NRG3: variants seen among roughly 807,000 people sequenced by gnomAD.
The protein encoded by NRG3 is neuregulin 3.
Under a neutral mutation model 66.9 loss-of-function variants are expected in NRG3, and 31 were observed. That is an observed-to-expected ratio of 0.46 (90% CI 0.35 to 0.63). The LOEUF is 0.63. NRG3 is among the 20% of genes least tolerant of loss of function. The pLI is 0.00. For missense variants in NRG3, 910 were observed against 878.9 expected, an observed-to-expected ratio of 1.04 and a Z score of -0.45; for synonymous variants, 393 against 359.4, an observed-to-expected ratio of 1.09 and a Z score of -1.06.
chr10:82,964,424 T>TG (rs1177693240), intron 6 of NRG3, among the ~76,000 whole-genome samples: 9 of 152,146 alleles, frequency 5.9e-5, no homozygotes, highest in Admixed American at 1.3e-4. Context: ...GGTAATTTGC[T>TG]GGGGAGGAGG....
intron 3 of NRG3, among the ~76,000 whole-genome samples, chr10:82,787,034 C>A (rs1175644786): frequency 1.3e-5 from 2 of 152,182 alleles, no homozygotes; most frequent in African/African-American, 4.8e-5. Context: ...TACCCAGTCT[C>A]AAATTTTCTG....
At chr10:82,735,249 A>C (rs1236441484) in intron 2 of NRG3, among the ~76,000 whole-genome samples, 1 of 152,160 alleles carries the variant, frequency 6.6e-6, no homozygotes, top group East Asian at 1.9e-4. Flanking sequence ...AATGTTTATC[A>C]ACTTTGGCTG....
chr10:82,734,972 A>G (rs556350920), intron 2 of NRG3, among the ~76,000 whole-genome samples: 4 of 150,118 alleles, frequency 2.7e-5, no homozygotes, highest in Non-Finnish European at 5.9e-5. Flanking sequence ...TAGCCACTGC[A>G]TGCCAGCCTG....
intron 3 of NRG3, among the ~76,000 whole-genome samples, chr10:82,836,698 T>A (rs993345420): frequency 4.6e-5 from 7 of 151,816 alleles, no homozygotes; most frequent in Non-Finnish European, 7.4e-5. Context: ...CCATTTTCTT[T>A]TTTTATTTTA....
intron 3 of NRG3, 68 bp from the exon 4 acceptor site, chr10:82,865,343 G>A (rs1840608429): frequency 2.6e-6 from 4 of 1,534,452 alleles, no homozygotes; most frequent in Non-Finnish European, 2.7e-6. Flanking sequence ...TGATTTCCAT[G>A]TATAGAGCTT....
At chr10:82,657,613 C>T (rs910126322) in intron 2 of NRG3, among the ~76,000 whole-genome samples, 1 of 151,526 alleles carries the variant, frequency 6.6e-6, no homozygotes, top group African/African-American at 2.4e-5. Context: ...CTATATTCAC[C>T]CTGGGGAAAT....
At chr10:82,942,729 C>T (rs771051657) in intron 4 of NRG3, among the ~76,000 whole-genome samples, 1 of 152,160 alleles carries the variant, frequency 6.6e-6, no homozygotes, top group East Asian at 1.9e-4. Flanking sequence ...TTGTTGCATG[C>T]GTCTGTTTCA....
chr10:82,885,746 G>GAGAC (rs1465612382), intron 4 of NRG3, among the ~76,000 whole-genome samples: 1 of 152,174 alleles, frequency 6.6e-6, no homozygotes, highest in Admixed American at 6.5e-5. Flanking sequence ...ATCCCCTTTT[G>GAGAC]AGACGGGGTT....
At chr10:82,156,602 G>A in intron 1 of NRG3, among the ~76,000 whole-genome samples, 1 of 151,428 alleles carries the variant, frequency 6.6e-6, no homozygotes, top group East Asian at 1.9e-4. Flanking sequence ...AAGGATGTCT[G>A]TAAAAAAAAG....
intron 1 of NRG3, among the ~76,000 whole-genome samples, chr10:82,250,433 A>C (rs1299136648): frequency 2.0e-5 from 3 of 152,048 alleles, no homozygotes; most frequent in Non-Finnish European, 1.5e-5. Flanking sequence ...AAAAATACAA[A>C]AAATTATCTG....
At chr10:82,530,764 T>C (rs141103329) in intron 2 of NRG3, among the ~76,000 whole-genome samples, 1,540 of 151,992 alleles carry the variant, frequency 0.01, 26 homozygotes, top group African/African-American at 0.034. Flanking sequence ...CATTTTGGCA[T>C]TTTAGAATAT....
At chr10:82,251,537 C>T (rs975190445) in intron 1 of NRG3, among the ~76,000 whole-genome samples, 31 of 152,258 alleles carry the variant, frequency 2.0e-4, no homozygotes, top group African/African-American at 7.5e-4. Flanking sequence ...TGAACTGCTT[C>T]GTGATCCTGA....
At chr10:82,017,350 T>A (rs186444359) in intron 1 of NRG3, among the ~76,000 whole-genome samples, 1 of 152,338 alleles carries the variant, frequency 6.6e-6, no homozygotes, top group East Asian at 1.9e-4. Context: ...GTTGGACATT[T>A]GGGTTGGTTC....
chr10:82,615,881 T>C (rs935666997), intron 2 of NRG3, among the ~76,000 whole-genome samples: 6 of 152,182 alleles, frequency 3.9e-5, no homozygotes, highest in African/African-American at 1.4e-4. Flanking sequence ...TGGATGCTGA[T>C]TACCTGACCT....
At position 81,979,050 on chromosome 10, in the gene NRG3, G is replaced by A. The variant is rs917592007; in HGVS notation, c.823+102887G>A. ...TTAAAAGTACAAAAATTAGCTGGGCGTAGTGGCGCACGCCTGTAGTCCCAG... is the reference window on the plus strand; with the variant it reads ...TTAAAAGTACAAAAATTAGCTGGGCATAGTGGCGCACGCCTGTAGTCCCAG... On this transcript the variant is annotated intron_variant, in intron 1 of 8. Transcript: ENST00000372141. 1.8e-4 allele frequency among the ~76,000 whole-genome samples: 28 copies of A among 152,024 alleles called. 1 individual carries two copies. Among genetic ancestry groups the A allele is most frequent in the Non-Finnish European group, 2.5e-4 (17 of 67,976 alleles).
At chr10:82,579,662 A>G (rs894536880) in intron 2 of NRG3, among the ~76,000 whole-genome samples, 1 of 151,976 alleles carries the variant, frequency 6.6e-6, no homozygotes, top group Non-Finnish European at 1.5e-5. Context: ...TCACAGGTTA[A>G]CTTCTTGCTT....
chr10:82,671,321 A>G (rs2053254910), intron 2 of NRG3, among the ~76,000 whole-genome samples: 1 of 152,184 alleles, frequency 6.6e-6, no homozygotes, highest in South Asian at 2.1e-4. Flanking sequence ...TGGTTGAAAT[A>G]TGTTAATGTG....
intron 3 of NRG3, among the ~76,000 whole-genome samples, chr10:82,761,979 TTCTTTC>T (rs1324702214): frequency 1.3e-5 from 2 of 149,530 alleles, no homozygotes; most frequent in African/African-American, 2.4e-5. Flanking sequence ...TTTCTTTTCT[TTCTTTC>T]TTCTTTCTTT....
chr10:82,135,239 C>A (rs4587676), intron 1 of NRG3, among the ~76,000 whole-genome samples: 1,698 of 150,698 alleles, frequency 0.011, 31 homozygotes, highest in African/African-American at 0.04. Context: ...TATGTTATTT[C>A]TTTCTTTCTC....
Sources: gnomAD v4.1 joint callset for allele counts (sites outside exome capture counted in the v4.1 genomes callset) on GRCh38, gnomAD v4.1.1 for gene constraint, MANE v1.5 for transcripts, NCBI Gene and HGNC (gene_info 2026-07-23, HGNC 2026-07-21) for gene names.